ZFYVE28: variants seen among roughly 807,000 people sequenced by gnomAD.
ZFYVE28 encodes the protein zinc finger FYVE-type containing 28.
ZFYVE28 carries 40 observed loss-of-function variants against 82.1 expected under a neutral mutation model. The observed-to-expected ratio is 0.49, with a 90% CI of 0.38 to 0.63. The LOEUF is 0.63. Ranked by LOEUF, ZFYVE28 falls within the 30% of genes least tolerant of loss-of-function variation. ZFYVE28 has a pLI of 0.00. For missense variants in ZFYVE28, 1,321 were observed against 1,242.1 expected, an observed-to-expected ratio of 1.06 and a Z score of -0.96; for synonymous variants, 612 against 546.1, an observed-to-expected ratio of 1.12 and a Z score of -1.68.
intron 1 of ZFYVE28, among the ~76,000 whole-genome samples, chr4:2,356,238 T>A (rs1725294702): frequency 6.6e-6 from 1 of 152,182 alleles, no homozygotes; most frequent in Non-Finnish European, 1.5e-5. Flanking sequence ...TGCATGCACC[T>A]GAGACCTGGG....
intron 1 of ZFYVE28, among the ~76,000 whole-genome samples, chr4:2,388,730 G>A (rs1729526741): frequency 6.6e-6 from 1 of 152,126 alleles, no homozygotes; most frequent in African/African-American, 2.4e-5. Context: ...TCCGAGGGCT[G>A]GGTCTAACAG....
At chr4:2,310,066 T>C (rs1427953058) in intron 7 of ZFYVE28, among the ~76,000 whole-genome samples, 1 of 152,130 alleles carries the variant, frequency 6.6e-6, no homozygotes. Context: ...TGAGATAATG[T>C]CTTGCGCTGT....
At chr4:2,350,457 C>T (rs1173458582) in intron 2 of ZFYVE28, among the ~76,000 whole-genome samples, 16 of 151,424 alleles carry the variant, frequency 1.1e-4, no homozygotes, top group Admixed American at 1.1e-3. Flanking sequence ...GAGCGAGACT[C>T]CGTCTCAAAA....
At chr4:2,301,950 G>C (rs1715609650) in intron 8 of ZFYVE28, among the ~76,000 whole-genome samples, 1 of 152,234 alleles carries the variant, frequency 6.6e-6, no homozygotes, top group East Asian at 1.9e-4. Context: ...GACAGGAAAA[G>C]CCTGGAAACA....
At position 2,417,056 on chromosome 4, in the gene ZFYVE28, G is replaced by C. The variant is rs1215591623; in HGVS notation, c.39+1229C>G. Among the ~76,000 whole-genome samples, 8 of 152,336 alleles carry C rather than the reference G, an allele frequency of 5.3e-5. No individual in the cohort carries two copies. The highest frequency in any genetic ancestry group is 1.0e-4 in the Non-Finnish European group (7 of 68,026). ...ACCTCTGCCGTGACAGCTCACCCAC[G>C]GTGGAGGCGGAGGCCTGGGACGCTG... On this transcript the variant is annotated intron_variant, in intron 1 of 12. Coordinates refer to ENST00000290974, the MANE Select transcript of ZFYVE28 (RefSeq NM_020972.3). The surrounding 1 kb of genome is among the most constrained non-coding windows in gnomAD (Gnocchi z 4.8).
chr4:2,305,085 G>T lies in ZFYVE28; in HGVS notation c.1255C>A (p.Pro419Thr), dbSNP rs775561858. The T allele has an allele frequency of 1.2e-6, 2 of 1,607,690 alleles. No individual in the cohort carries two copies. The highest frequency in any genetic ancestry group is 1.7e-6 in the Non-Finnish European group (2 of 1,176,866). Residue 419 changes from proline to threonine, a missense_variant, in exon 8 of 13, where the codon CCA becomes ACA. By Grantham distance (38) the Pro-to-Thr change is conservative (BLOSUM62 -1). Transcript: ENST00000290974. ...TAEALARPES[P>T]AGPFGWAGST... ...CCTGCCCACCCAAATGGGCCAGCTG[G>T]GGACTCGGGCCTGGCCAGGGCTTCT...
At chr4:2,380,880 A>G (rs1456395324) in intron 1 of ZFYVE28, among the ~76,000 whole-genome samples, 1 of 152,196 alleles carries the variant, frequency 6.6e-6, no homozygotes, top group African/African-American at 2.4e-5. Context: ...TTTTCATCCC[A>G]GTCTCAGGTA....
At position 2,320,219 on chromosome 4, in the gene ZFYVE28, C is replaced by T; in HGVS notation, c.754G>A (p.Asp252Asn). 1 of 1,613,354 alleles carries T rather than the reference C, an allele frequency of 6.2e-7. No homozygotes were observed. The highest frequency in any genetic ancestry group is 8.5e-7 in the Non-Finnish European group (1 of 1,179,720). ...AAGGGCCGGAACAGCTCGGACATGT[C>T]TTCCACCTTGCGGTCCAAGTTCAGA... ...GPLNLDRKVE[D>N]MSELFRPFHT... is the part of the protein sequence containing the mutation. Residue 252 changes from aspartate to asparagine, a missense_variant, in exon 7 of 13, where the codon GAC becomes AAC. Asp to Asn is a conservative substitution (Grantham distance 23, BLOSUM62 1). Coordinates refer to ENST00000290974, the MANE Select transcript of ZFYVE28 (RefSeq NM_020972.3). The surrounding 1 kb of genome is among the most constrained non-coding windows in gnomAD (Gnocchi z 5.1).
intron 2 of ZFYVE28, among the ~76,000 whole-genome samples, chr4:2,352,602 C>T (rs1578213321): frequency 6.6e-6 from 1 of 152,104 alleles, no homozygotes. Context: ...GGAGAAGAAC[C>T]TGAGTGTTTA....
intron 4 of ZFYVE28, 92 bp from the exon 5 acceptor site, chr4:2,337,588 A>C: frequency 4.9e-5 from 46 of 934,130 alleles, no homozygotes; most frequent in East Asian, 1.2e-4. Context: ...TAAAGCTGCA[A>C]TGCTGGGCAA....
At chr4:2,371,653 G>GACAA (rs755072866) in intron 1 of ZFYVE28, among the ~76,000 whole-genome samples, 2 of 152,146 alleles carry the variant, frequency 1.3e-5, no homozygotes, top group South Asian at 4.1e-4. Context: ...GCAAAAAACA[G>GACAA]ACAAACAAAC....
In ZFYVE28 at chr4:2,299,539, A is replaced by C. The variant is rs141081592; in HGVS notation, c.2051+4750T>G. 3.2e-3 allele frequency among the ~76,000 whole-genome samples: 441 copies of C among 139,884 alleles called. 2 individuals are homozygous for C. The highest frequency in any genetic ancestry group is 0.011 in the African/African-American group (418 of 36,712). 91.8% of individuals were successfully genotyped at this position (139,884 alleles called of 152,430 possible). ...GAGGCTAACACAGGAGGACAGCTTG[A>C]GCCCAGACAGGGAGCTGTGTTTGTG... On this transcript the variant is annotated intron_variant, in intron 8 of 12. Transcript: ENST00000290974.
intron 1 of ZFYVE28, among the ~76,000 whole-genome samples, chr4:2,397,452 T>A (rs1578378836): frequency 8.1e-6 from 1 of 124,128 alleles, no homozygotes; most frequent in African/African-American, 3.0e-5. Context: ...CACTCCAGCC[T>A]GGGGGCCAGA....
chr4:2,275,606 C>T (rs777827178), intron 8 of ZFYVE28, among the ~76,000 whole-genome samples: 1 of 152,214 alleles, frequency 6.6e-6, no homozygotes, highest in Non-Finnish European at 1.5e-5. Flanking sequence ...TCATGCCGAG[C>T]CTTGCCCCAA....
At chr4:2,391,228 G>C (rs116087371) in intron 1 of ZFYVE28, among the ~76,000 whole-genome samples, 1 of 151,984 alleles carries the variant, frequency 6.6e-6, no homozygotes, top group Non-Finnish European at 1.5e-5. Flanking sequence ...TTACAATTCC[G>C]CATCGTCCCC....
chr4:2,350,619 G>A (rs984870266), intron 2 of ZFYVE28, among the ~76,000 whole-genome samples: 1 of 152,198 alleles, frequency 6.6e-6, no homozygotes, highest in Admixed American at 6.5e-5. Flanking sequence ...TTCAGGATGG[G>A]GGGCTGGTCC....
intron 6 of ZFYVE28, among the ~76,000 whole-genome samples, chr4:2,334,826 T>A (rs1303355245): frequency 2.4e-4 from 2 of 8,358 alleles, no homozygotes; most frequent in South Asian, 6.3e-3. Flanking sequence ...CCCCCTCCCC[T>A]CTTCCCCCTC....
chr4:2,283,741 A>G (rs1712319202), intron 8 of ZFYVE28, among the ~76,000 whole-genome samples: 1 of 152,250 alleles, frequency 6.6e-6, no homozygotes, highest in Non-Finnish European at 1.5e-5. Flanking sequence ...AGTGTAACAG[A>G]GGAACCATCA....
intron 8 of ZFYVE28, among the ~76,000 whole-genome samples, chr4:2,275,069 C>G (rs952129101): frequency 7.9e-5 from 12 of 152,146 alleles, no homozygotes; most frequent in Admixed American, 2.6e-4. Flanking sequence ...GGCCCGGGAC[C>G]TCCAGGGGCC....
Sources: gnomAD v4.1 joint callset for allele counts (sites outside exome capture counted in the v4.1 genomes callset) on GRCh38, gnomAD v4.1.1 for gene constraint, Gnocchi (gnomAD v3.1) non-coding constraint, MANE v1.5 for transcripts, NCBI Gene and HGNC (gene_info 2026-07-23, HGNC 2026-07-21) for gene names.